The following PABPC4L variants were observed in gnomAD, a reference collection of about 807,000 sequenced individuals.
The protein encoded by PABPC4L is poly(A) binding protein cytoplasmic 4 like, also known as polyadenylate-binding protein 4-like.
For missense variants in PABPC4L, 452 were observed against 451.4 expected (o/e 1.00, Z -0.01); for synonymous variants, 169 against 164.1 (o/e 1.03, Z -0.23).
chr4:134,177,488 C>G, the PABPC4L span, among the ~76,000 whole-genome samples: 1 of 152,114 alleles, frequency 6.6e-6, no homozygotes, highest in Admixed American at 6.5e-5. Context: ...AGTCCCACTT[C>G]TGTGTGAACT....
At chr4:134,075,719 A>AT in the PABPC4L span, among the ~76,000 whole-genome samples, 1 of 151,872 alleles carries the variant, frequency 6.6e-6, no homozygotes. Context: ...TTATTATTAT[A>AT]TTTTTTCTTT....
chr4:134,104,528 C>T, the PABPC4L span, among the ~76,000 whole-genome samples: 3 of 151,626 alleles, frequency 2.0e-5, no homozygotes, highest in South Asian at 2.1e-4. Context: ...TGAGAAAATA[C>T]GTTTCTCCGA....
At chr4:134,059,691 G>T in the PABPC4L span, among the ~76,000 whole-genome samples, 338 of 151,632 alleles carry the variant, frequency 2.2e-3, 3 homozygotes, top group Non-Finnish European at 3.8e-3. Flanking sequence ...CGGTTAGTTG[G>T]CAATATTCAG....
At chr4:134,151,074 A>G in the PABPC4L span, among the ~76,000 whole-genome samples, 1 of 152,154 alleles carries the variant, frequency 6.6e-6, no homozygotes, top group African/African-American at 2.4e-5. Flanking sequence ...ATAAAGTGTA[A>G]AGTAGCCAGA....
chr4:134,046,458 A>G, the PABPC4L span, among the ~76,000 whole-genome samples: 5 of 152,066 alleles, frequency 3.3e-5, no homozygotes, highest in Non-Finnish European at 7.4e-5. Context: ...CTGGTTTTAC[A>G]CCGAGACATT....
At chr4:134,172,567 A>C in the PABPC4L span, among the ~76,000 whole-genome samples, 1 of 152,150 alleles carries the variant, frequency 6.6e-6, no homozygotes, top group African/African-American at 2.4e-5. Context: ...TCTTGGAGAT[A>C]ATCTAGAAAA....
At chr4:134,189,603 G>T in the PABPC4L span, among the ~76,000 whole-genome samples, 1 of 151,878 alleles carries the variant, frequency 6.6e-6, no homozygotes, top group Non-Finnish European at 1.5e-5. Context: ...CACACACATG[G>T]TAAAAAGAAC....
chr4:134,194,252 A>G (rs935754704), downstream of PABPC4L, among the ~76,000 whole-genome samples: 1 of 151,858 alleles, frequency 6.6e-6, no homozygotes, highest in African/African-American at 2.4e-5. Context: ...TTGAAAATAG[A>G]TAAGCAAGAA....
the PABPC4L span, among the ~76,000 whole-genome samples, chr4:134,135,926 T>C: frequency 1.3e-5 from 2 of 152,162 alleles, no homozygotes; most frequent in African/African-American, 2.4e-5. Flanking sequence ...TACTGTGGTA[T>C]GGTTTTTACC....
chr4:134,014,516 A>T, the PABPC4L span, among the ~76,000 whole-genome samples: 66 of 152,230 alleles, frequency 4.3e-4, no homozygotes, highest in South Asian at 8.3e-4. Flanking sequence ...GCTGTGTCCC[A>T]TCTGTGTGGG....
chr4:134,118,633 T>C, the PABPC4L span, among the ~76,000 whole-genome samples: 60 of 151,866 alleles, frequency 4.0e-4, no homozygotes, highest in African/African-American at 1.4e-3. Context: ...TTTTCCCTTA[T>C]TGCTGATATT....
the PABPC4L span, among the ~76,000 whole-genome samples, chr4:133,971,467 T>C: frequency 6.6e-6 from 1 of 152,154 alleles, no homozygotes; most frequent in East Asian, 1.9e-4. Flanking sequence ...AGCCTCACCC[T>C]CACACCTGGA....
the PABPC4L span, among the ~76,000 whole-genome samples, chr4:134,104,158 G>A: frequency 6.6e-6 from 1 of 151,676 alleles, no homozygotes; most frequent in Non-Finnish European, 1.5e-5. Context: ...ACAAACCGCT[G>A]GTCTCCTGAA....
At chr4:134,158,510 AT>A in the PABPC4L span, among the ~76,000 whole-genome samples, 1 of 152,186 alleles carries the variant, frequency 6.6e-6, no homozygotes, top group East Asian at 1.9e-4. Flanking sequence ...TCTTTTTGTT[AT>A]GCTTTTTCTT....
chr4:134,175,454 A>G, the PABPC4L span, among the ~76,000 whole-genome samples: 1 of 151,852 alleles, frequency 6.6e-6, no homozygotes, highest in Non-Finnish European at 1.5e-5. Flanking sequence ...TCAATCAATT[A>G]ATTAATTAAT....
the PABPC4L span, among the ~76,000 whole-genome samples, chr4:133,975,555 C>A: frequency 6.6e-6 from 1 of 151,994 alleles, no homozygotes; most frequent in African/African-American, 2.4e-5. Flanking sequence ...GTCAGAAAAA[C>A]ACATTCTTTG....
At chr4:134,090,973 T>C in the PABPC4L span, among the ~76,000 whole-genome samples, 1 of 152,056 alleles carries the variant, frequency 6.6e-6, no homozygotes, top group Non-Finnish European at 1.5e-5. Context: ...TTCTGGTAAT[T>C]TTTACATGCT....
At chr4:134,136,942 TGA>T in the PABPC4L span, among the ~76,000 whole-genome samples, 1 of 152,016 alleles carries the variant, frequency 6.6e-6, no homozygotes, top group Non-Finnish European at 1.5e-5. Flanking sequence ...GAACGGATGA[TGA>T]GAGGAGGTGA....
chr4:133,961,750 C>A, the PABPC4L span, among the ~76,000 whole-genome samples: 2 of 152,116 alleles, frequency 1.3e-5, no homozygotes, highest in Non-Finnish European at 2.9e-5. Flanking sequence ...CCAGACCCGC[C>A]GTTGACTTCC....
Sources: gnomAD v4.1 joint callset for allele counts (sites outside exome capture counted in the v4.1 genomes callset) on GRCh38, gnomAD v4.1.1 for gene constraint, MANE v1.5 for transcripts, NCBI Gene and HGNC (gene_info 2026-07-23, HGNC 2026-07-21) for gene names.